The following SH3PXD2B variants were observed in gnomAD, a reference collection of about 807,000 sequenced individuals.
SH3PXD2B encodes SH3 and PX domain-containing protein 2B.
Under a neutral mutation model 73.1 loss-of-function variants are expected in SH3PXD2B, and 37 were observed. The ratio of observed to expected loss-of-function variants is 0.51; its 90% confidence interval spans 0.39 to 0.67. The LOEUF (loss-of-function observed/expected upper bound fraction) is 0.67, where lower values mean the gene tolerates loss of function less well. SH3PXD2B is among the 30% of genes least tolerant of loss of function. SH3PXD2B has a pLI of 0.00. For synonymous variants in SH3PXD2B, 457 were observed against 480.5 expected, an observed-to-expected ratio of 0.95 and a Z score of 0.64; for missense variants, 1,053 against 1,197.8, an observed-to-expected ratio of 0.88 and a Z score of 1.78.
At chr5:172,361,248 C>T (rs1194720586) in intron 7 of SH3PXD2B, among the ~76,000 whole-genome samples, 3 of 151,700 alleles carry the variant, frequency 2.0e-5, no homozygotes, top group Non-Finnish European at 4.4e-5. Context: ...AAGAAAGATT[C>T]ATACCTAATG....
At chr5:172,441,605 G>A (rs1353646854) in intron 1 of SH3PXD2B, among the ~76,000 whole-genome samples, 1 of 152,178 alleles carries the variant, frequency 6.6e-6, no homozygotes, top group Non-Finnish European at 1.5e-5. Context: ...TTGGTCCACT[G>A]GGGCCTCAAC....
intron 4 of SH3PXD2B, among the ~76,000 whole-genome samples, chr5:172,394,060 C>T (rs555150922): frequency 6.6e-6 from 1 of 152,268 alleles, no homozygotes; most frequent in African/African-American, 2.4e-5. Flanking sequence ...TCTCCTGCCT[C>T]GGCCTCCCGA....
chr5:172,403,347 G>A (rs1758476549), intron 3 of SH3PXD2B, among the ~76,000 whole-genome samples: 1 of 152,174 alleles, frequency 6.6e-6, no homozygotes, highest in African/African-American at 2.4e-5. Context: ...TTCTGCTGAC[G>A]CGGCAGTCTT....
At chr5:172,390,838 T>C (rs1758172052) in intron 4 of SH3PXD2B, among the ~76,000 whole-genome samples, 1 of 151,420 alleles carries the variant, frequency 6.6e-6, no homozygotes, top group Non-Finnish European at 1.5e-5. Context: ...TGTGTGTGTG[T>C]GTGTGTGTGT....
intron 1 of SH3PXD2B, among the ~76,000 whole-genome samples, chr5:172,443,655 T>C (rs1037430727): frequency 7.9e-5 from 12 of 152,110 alleles, no homozygotes; most frequent in African/African-American, 2.9e-4. Context: ...TAAACCCACA[T>C]CTGTGGAACT....
At chr5:172,404,801 G>A (rs1427782213) in intron 3 of SH3PXD2B, among the ~76,000 whole-genome samples, 1 of 152,146 alleles carries the variant, frequency 6.6e-6, no homozygotes, top group Non-Finnish European at 1.5e-5. Context: ...ATCTACCCAG[G>A]GTGACAGAGT....
rs1018456863 is a variant in SH3PXD2B at position 172,333,672 on chromosome 5, C to A, written c.*4697G>T. The A allele has an allele frequency of 6.2e-6, 8 of 1,289,292 alleles. No homozygotes were observed. The African/African-American group carries it at 9.1e-5, about 15-fold the overall frequency. The allele number at this position is 1,289,292 out of a possible 1,614,324, so 79.9% of individuals were successfully genotyped here. A position where few individuals can be genotyped will look rare whatever the true frequency, so the allele number is the denominator to read the frequency against. On this transcript the variant is annotated 3_prime_UTR_variant, in exon 13 of 13. Coordinates refer to ENST00000311601, the MANE Select transcript of SH3PXD2B (RefSeq NM_001017995.3). ...ATGTGTTAAAGGAAACAAAAACCAC[C>A]ACCGGAATGCCAATTTGCCAAGAGG...
At chr5:172,411,789 G>A (rs1758704843) in intron 2 of SH3PXD2B, among the ~76,000 whole-genome samples, 2 of 151,188 alleles carry the variant, frequency 1.3e-5, no homozygotes, top group South Asian at 4.1e-4. Context: ...TAGTCTGTAA[G>A]GCTGTGTGGT....
chr5:172,417,307 C>T (rs2113454481), intron 2 of SH3PXD2B, among the ~76,000 whole-genome samples: 1 of 152,332 alleles, frequency 6.6e-6, no homozygotes, highest in East Asian at 1.9e-4. Flanking sequence ...GGGGTGTTCT[C>T]TTTCCCTGAA....
At chr5:172,454,096 G>A (rs1248450705) in intron 1 of SH3PXD2B, among the ~76,000 whole-genome samples, 182 bp downstream of exon 1, 38 of 150,370 alleles carry the variant, frequency 2.5e-4, no homozygotes, top group Non-Finnish European at 1.0e-4. Flanking sequence ...AAGCGGGGAG[G>A]GGAGGGGAGG....
At chr5:172,433,336 A>G (rs190559826) in intron 1 of SH3PXD2B, among the ~76,000 whole-genome samples, 20 of 152,318 alleles carry the variant, frequency 1.3e-4, no homozygotes, top group Admixed American at 1.2e-3. Context: ...CCCTGTTGTT[A>G]AATGACACAT....
rs929870231 is a variant in SH3PXD2B at position 172,381,933 on chromosome 5, C to T, written c.401+103G>A. The T allele has an allele frequency of 1.8e-5, 16 of 881,460 alleles. 1 individual carries two copies. Among genetic ancestry groups the T allele is most frequent in the African/African-American group, 3.3e-5 (2 of 60,086 alleles). 54.6% of individuals were successfully genotyped at this position (881,460 alleles called of 1,614,324 possible). A position where few individuals can be genotyped will look rare whatever the true frequency, so the allele number is the denominator to read the frequency against. ...TGCGGTCTCACAGGGGCTCAGCCGA[C>T]GAAACCCACTTTTGGCTGCACTTTG... is the stretch of plus-strand genomic sequence containing the variant. On this transcript the variant is annotated intron_variant, in intron 5 of 12. Transcript: ENST00000311601.
intron 1 of SH3PXD2B, among the ~76,000 whole-genome samples, chr5:172,453,747 A>G (rs912244535): frequency 1.3e-5 from 2 of 152,106 alleles, no homozygotes; most frequent in African/African-American, 4.8e-5. Context: ...TAGCCACTCA[A>G]ATGATCCATT....
At position 172,335,383 on chromosome 5, in the gene SH3PXD2B, C is replaced by A; in HGVS notation, c.*2986G>T. The stretch of plus-strand genomic sequence containing the variant: ...TCCCTGGAAGCCCTCCGCACACTTC[C>A]CTGCTAATGGCAGAGAAAAGTCATG... On this transcript the variant is annotated 3_prime_UTR_variant, in exon 13 of 13. Coordinates refer to ENST00000311601, the MANE Select transcript of SH3PXD2B (RefSeq NM_001017995.3). The A allele has an allele frequency of 8.2e-7, 1 of 1,222,742 alleles. No individual in the cohort carries two copies. Among genetic ancestry groups the A allele is most frequent in the Non-Finnish European group, 1.0e-6 (1 of 982,828 alleles). The allele number at this position is 1,222,742 out of a possible 1,614,324, so 75.7% of individuals were successfully genotyped here. A position where few individuals can be genotyped will look rare whatever the true frequency, so the allele number is the denominator to read the frequency against.
At position 172,353,992 on chromosome 5, in the gene SH3PXD2B, T is replaced by C; in HGVS notation, c.681A>G (p.Thr227=). The change falls in exon 9 of 13, where the codon ACA becomes ACG. Residue 227 remains threonine (T), a synonymous_variant. Transcript: ENST00000311601. The surrounding 1 kb of genome is among the most constrained non-coding windows in gnomAD (Gnocchi z 4.3). The part of the protein sequence containing the change: ...SLQPEEEEKY[T]VIYPYTARDQ... The stretch of plus-strand genomic sequence containing the variant: ...CCCGAGCTGTGTACGGGTAGATGAC[T>C]GTGTACTTCTCCTCTGTGGGGACAA... The C allele has an allele frequency of 6.2e-7, 1 of 1,614,088 alleles. No homozygotes were observed. The highest frequency in any genetic ancestry group is 1.1e-5 in the South Asian group (1 of 91,082).
At chr5:172,406,445 T>C (rs1194003405) in intron 2 of SH3PXD2B, 93 bp from the exon 3 acceptor site, 54 of 1,413,968 alleles carry the variant, frequency 3.8e-5, no homozygotes, top group African/African-American at 7.0e-5. Flanking sequence ...AAATATGTGA[T>C]GTGATATACT....
At chr5:172,433,429 A>G (rs1462498061) in intron 1 of SH3PXD2B, among the ~76,000 whole-genome samples, 8 of 152,180 alleles carry the variant, frequency 5.3e-5, no homozygotes, top group African/African-American at 1.4e-4. Flanking sequence ...TGATGCTTGT[A>G]TATTCCAGAT....
At chr5:172,347,470 A>G in intron 10 of SH3PXD2B, 138 bp from the exon 11 acceptor site, 1 of 852,552 alleles carries the variant, frequency 1.2e-6, no homozygotes, top group Admixed American at 2.0e-5. Flanking sequence ...CTGTGAGAAC[A>G]GCCTGGGCAG....
chr5:172,412,919 A>G (rs1475055280), intron 2 of SH3PXD2B, among the ~76,000 whole-genome samples: 2 of 152,244 alleles, frequency 1.3e-5, no homozygotes, highest in Non-Finnish European at 2.9e-5. Flanking sequence ...AGTCACATCA[A>G]GTTGCCACAT....
Sources: allele counts gnomAD v4.1 joint callset (sites outside exome capture counted in the v4.1 genomes callset), GRCh38; gene constraint gnomAD v4.1.1; non-coding constraint Gnocchi (gnomAD v3.1); transcripts MANE v1.5; gene names NCBI Gene and HGNC (gene_info 2026-07-23, HGNC 2026-07-21).